MALRD1: variants seen among roughly 807,000 people sequenced by gnomAD.
MALRD1 encodes the protein MAM and LDL-receptor class A domain-containing protein 1.
A neutral mutation model predicts 242.1 loss-of-function variants in MALRD1; 247 were observed. The ratio of observed to expected loss-of-function variants is 1.02; its 90% CI spans 0.92 to 1.13. The LOEUF is 1.13. Ranked by LOEUF, MALRD1 falls within the 50% of genes most tolerant of loss-of-function variation. The probability of loss-of-function intolerance (pLI) is 0.00; values close to 1 mark genes in which losing one functional copy is unlikely to be tolerated. For missense variants in MALRD1, 2,989 were observed against 2,533.1 expected (o/e 1.18, Z -3.86); for synonymous variants, 995 against 866.6 (o/e 1.15, Z -2.60).
intron 5 of MALRD1, among the ~76,000 whole-genome samples, chr10:19,116,867 T>A (rs1257619882): frequency 6.6e-6 from 1 of 152,068 alleles, no homozygotes; most frequent in Admixed American, 6.5e-5. Flanking sequence ...GGTGGGCAGA[T>A]CACCTGAGGT....
At chr10:19,557,387 A>G (rs940481205) in intron 32 of MALRD1, among the ~76,000 whole-genome samples, 21 of 152,044 alleles carry the variant, frequency 1.4e-4, no homozygotes, top group African/African-American at 5.1e-4. Flanking sequence ...ATTTTCCCCT[A>G]TGTTATCTTC....
chr10:19,072,169 A>T (rs933855820), intron 2 of MALRD1, among the ~76,000 whole-genome samples: 1 of 152,194 alleles, frequency 6.6e-6, no homozygotes, highest in Non-Finnish European at 1.5e-5. Context: ...GCTTGGGAGC[A>T]TCTATACTGT....
intron 26 of MALRD1, among the ~76,000 whole-genome samples, chr10:19,357,790 T>G (rs1474901244): frequency 6.6e-6 from 1 of 152,140 alleles, no homozygotes; most frequent in East Asian, 1.9e-4. Flanking sequence ...TCACACAGAC[T>G]TTTCATCTGT....
intron 28 of MALRD1, among the ~76,000 whole-genome samples, chr10:19,393,442 A>AT (rs71387074): frequency 0.68 from 74,796 of 110,202 alleles, 26,763 homozygotes; most frequent in African/African-American, 0.7. Context: ...GATGAGGTTA[A>AT]TTTTTTTTTT....
chr10:19,047,689 G>T (rs1330567702), upstream of MALRD1, among the ~76,000 whole-genome samples: 1 of 152,076 alleles, frequency 6.6e-6, no homozygotes, highest in East Asian at 1.9e-4. Context: ...AGATTATGTG[G>T]AGTGCTCAGA....
chr10:19,656,548 A>C (rs1008886565), intron 36 of MALRD1, among the ~76,000 whole-genome samples: 7 of 152,150 alleles, frequency 4.6e-5, no homozygotes, highest in Admixed American at 2.0e-4. Flanking sequence ...CTGTGGCCCA[A>C]GCAACCCTGG....
chr10:19,393,359 T>C (rs11009728), intron 28 of MALRD1, among the ~76,000 whole-genome samples: 17,718 of 151,740 alleles, frequency 0.12, 1,148 homozygotes, highest in South Asian at 0.17. Context: ...AAATGGGTTT[T>C]ACAACATGAA....
intron 18 of MALRD1, among the ~76,000 whole-genome samples, chr10:19,226,327 T>C (rs183666224): frequency 6.6e-6 from 1 of 152,274 alleles, no homozygotes; most frequent in East Asian, 1.9e-4. Context: ...GAAAAGTACA[T>C]TTTCAAACTG....
At chr10:19,272,568 A>C (rs1275752372) in intron 19 of MALRD1, among the ~76,000 whole-genome samples, 1 of 151,628 alleles carries the variant, frequency 6.6e-6, no homozygotes, top group Non-Finnish European at 1.5e-5. Flanking sequence ...TAGAACGTGC[A>C]GGTTTGTTAC....
chr10:19,048,366 A>G (rs568856598), upstream of MALRD1, among the ~76,000 whole-genome samples: 2 of 152,208 alleles, frequency 1.3e-5, no homozygotes, highest in African/African-American at 4.8e-5. Flanking sequence ...CTATAGACAG[A>G]CAAACAAACA....
intron 21 of MALRD1, among the ~76,000 whole-genome samples, chr10:19,300,774 G>C (rs1841917507): frequency 6.6e-6 from 1 of 151,960 alleles, no homozygotes; most frequent in Non-Finnish European, 1.5e-5. Flanking sequence ...GAAATCCTAG[G>C]AAATACTATT....
chr10:19,473,642 G>C (rs1338603), intron 29 of MALRD1, among the ~76,000 whole-genome samples: 1 of 151,992 alleles, frequency 6.6e-6, no homozygotes, highest in African/African-American at 2.4e-5. Flanking sequence ...GTTGTAGCCT[G>C]TGTCAAAACT....
At chr10:19,194,323 A>T (rs1459387982) in intron 14 of MALRD1, among the ~76,000 whole-genome samples, 1 of 152,192 alleles carries the variant, frequency 6.6e-6, no homozygotes, top group African/African-American at 2.4e-5. Context: ...GTATTTTTGT[A>T]ATATTTTTCA....
intron 25 of MALRD1, among the ~76,000 whole-genome samples, chr10:19,351,109 C>T (rs6481881): frequency 0.63 from 95,092 of 152,086 alleles, 29,981 homozygotes; most frequent in African/African-American, 0.69. Context: ...TATGATTTAA[C>T]GGTGTTCATT....
rs1837094565 is a variant in MALRD1, at chr10:19,483,291, A to G, written c.5030-8226A>G. ...CTAAGTCCTCAAAAGCAATTGCAAC[A>G]AAAACAGAAATTGACAAATGGAGCC... On this transcript the variant is annotated intron_variant, in intron 29 of 39. Transcript: ENST00000454679. Among the ~76,000 whole-genome samples the G allele has an allele frequency of 2.0e-5, 3 of 152,150 alleles. No individual in the cohort carries two copies. The South Asian group carries it at 6.2e-4, about 31-fold the overall frequency.
At chr10:19,308,959 T>C (rs757205370) in intron 21 of MALRD1, among the ~76,000 whole-genome samples, 13 of 151,716 alleles carry the variant, frequency 8.6e-5, no homozygotes, top group Non-Finnish European at 1.8e-4. Context: ...TTTCTGTTTG[T>C]TTTAGATTTT....
At chr10:19,416,686 AG>A (rs2130902558) in intron 28 of MALRD1, among the ~76,000 whole-genome samples, 1 of 152,326 alleles carries the variant, frequency 6.6e-6, no homozygotes, top group East Asian at 1.9e-4. Flanking sequence ...CTTCTGCTGA[AG>A]GACCTTGTTT....
chr10:19,205,365 A>C, intron 17 of MALRD1, 100 bp downstream of exon 17: 4 of 1,348,318 alleles, frequency 3.0e-6, no homozygotes, highest in Non-Finnish European at 3.9e-6. Context: ...AACAGTAAGC[A>C]TAGCTCCAAA....
At chr10:19,711,290 T>G (rs983715821) in intron 38 of MALRD1, 1 of 152,224 alleles carries the variant, frequency 6.6e-6, no homozygotes, top group Non-Finnish European at 1.5e-5. Flanking sequence ...GATTTTCATC[T>G]TTTCAAAAAA....
Sources: gnomAD v4.1 joint callset for allele counts (sites outside exome capture counted in the v4.1 genomes callset) on GRCh38, gnomAD v4.1.1 for gene constraint, MANE v1.5 for transcripts, NCBI Gene and HGNC (gene_info 2026-07-23, HGNC 2026-07-21) for gene names.